COL19A1: variants seen among roughly 807,000 people sequenced by gnomAD.
The protein encoded by COL19A1 is collagen type XIX alpha 1 chain.
Under a neutral mutation model 190.2 loss-of-function variants are expected in COL19A1, and 159 were observed. The observed-to-expected ratio is 0.84, with a 90% CI of 0.73 to 0.95. The LOEUF (loss-of-function observed/expected upper bound fraction) is 0.95, where lower values mean the gene tolerates loss of function less well. Among genes scored for constraint, COL19A1 ranks in the 40% least tolerant of loss-of-function variants. The pLI, the probability that COL19A1 is intolerant of heterozygous loss-of-function variation, is 0.00. For synonymous variants in COL19A1, 509 were observed against 458.9 expected (o/e 1.11, Z -1.39); for missense variants, 1,418 against 1,431.9 (o/e 0.99, Z 0.16).
chr6:69,964,630 T>A (rs1460404838), intron 11 of COL19A1, among the ~76,000 whole-genome samples: 3 of 152,170 alleles, frequency 2.0e-5, no homozygotes, highest in Non-Finnish European at 4.4e-5. Context: ...CTTCAAGGAT[T>A]TTCCTTGTGG....
chr6:69,870,059 T>G (rs1168872053), intron 1 of COL19A1, among the ~76,000 whole-genome samples: 1 of 152,250 alleles, frequency 6.6e-6, no homozygotes, highest in East Asian at 1.9e-4. Context: ...ATTTTTACTC[T>G]ATTTCTCCAT....
At chr6:69,905,679 C>G (rs1363152593) in intron 4 of COL19A1, among the ~76,000 whole-genome samples, 3 of 152,228 alleles carry the variant, frequency 2.0e-5, no homozygotes, top group African/African-American at 7.2e-5. Context: ...CTGAGTCACT[C>G]TGGATGTTTA....
At chr6:69,874,898 G>A (rs1049076754) in intron 1 of COL19A1, among the ~76,000 whole-genome samples, 2 of 152,046 alleles carry the variant, frequency 1.3e-5, no homozygotes, top group African/African-American at 4.8e-5. Context: ...ATATTTCACT[G>A]TATCTCAAGA....
intron 11 of COL19A1, among the ~76,000 whole-genome samples, chr6:70,022,105 A>G (rs749620011): frequency 3.3e-5 from 5 of 152,138 alleles, no homozygotes; most frequent in African/African-American, 4.8e-5. Context: ...TTATCTATTA[A>G]TATCAGGTGC....
intron 2 of COL19A1, among the ~76,000 whole-genome samples, chr6:69,881,794 T>C (rs1768573413): frequency 6.6e-6 from 1 of 152,240 alleles, no homozygotes; most frequent in African/African-American, 2.4e-5. Flanking sequence ...CAACACGTAC[T>C]GAATGTGTGA....
chr6:70,141,013 C>A, intron 20 of COL19A1, 24 bp downstream of exon 20: 1 of 1,591,750 alleles, frequency 6.3e-7, no homozygotes, highest in East Asian at 2.2e-5. Context: ...TTATCACTAC[C>A]TTGGGTTTTC....
intron 4 of COL19A1, among the ~76,000 whole-genome samples, chr6:69,915,668 C>CT (rs563277905): frequency 2.5e-3 from 379 of 152,222 alleles, no homozygotes; most frequent in Non-Finnish European, 4.2e-3. Flanking sequence ...AAAAGTTTCT[C>CT]TTTCTTTCCA....
chr6:69,935,731 A>G (rs188928891), intron 7 of COL19A1, among the ~76,000 whole-genome samples: 3 of 151,846 alleles, frequency 2.0e-5, no homozygotes, highest in Non-Finnish European at 1.5e-5. Flanking sequence ...CTTATTTCCA[A>G]CTTTTATTTT....
intron 15 of COL19A1, among the ~76,000 whole-genome samples, chr6:70,088,074 C>T (rs3806019): frequency 6.6e-6 from 1 of 151,966 alleles, no homozygotes; most frequent in Non-Finnish European, 1.5e-5. Context: ...ATGCTTGGGA[C>T]CTTCTGCACA....
intron 11 of COL19A1, among the ~76,000 whole-genome samples, chr6:70,019,834 G>T (rs1778319484): frequency 6.6e-6 from 1 of 151,740 alleles, no homozygotes; most frequent in Non-Finnish European, 1.5e-5. Context: ...TTTAATTCTA[G>T]CTTAAATCTT....
chr6:69,968,714 C>T (rs541152326), intron 11 of COL19A1, among the ~76,000 whole-genome samples: 2 of 152,240 alleles, frequency 1.3e-5, no homozygotes, highest in East Asian at 3.9e-4. Context: ...TAATTACATG[C>T]AGGACATGAG....
chr6:70,018,767 G>A (rs1254230435), intron 11 of COL19A1, among the ~76,000 whole-genome samples: 2 of 152,078 alleles, frequency 1.3e-5, no homozygotes, highest in African/African-American at 2.4e-5. Flanking sequence ...CTGCAGCTGA[G>A]TCCTACTGGA....
chr6:69,927,459 T>A (rs1403858509), intron 4 of COL19A1, among the ~76,000 whole-genome samples: 1 of 152,212 alleles, frequency 6.6e-6, no homozygotes, highest in Non-Finnish European at 1.5e-5. Flanking sequence ...CAGTTGGGAC[T>A]AAGAAATCAG....
chr6:69,903,253 G>A (rs1336133377), intron 4 of COL19A1, among the ~76,000 whole-genome samples: 4 of 152,220 alleles, frequency 2.6e-5, no homozygotes, highest in African/African-American at 9.6e-5. Context: ...GGCAGCAGCA[G>A]TCCTCTGGCT....
chr6:69,895,358 C>T (rs1279873163), intron 2 of COL19A1, among the ~76,000 whole-genome samples: 1 of 152,254 alleles, frequency 6.6e-6, no homozygotes, highest in Non-Finnish European at 1.5e-5. Context: ...TCTCATTTCA[C>T]TCACCACTTC....
chr6:69,944,462 ACT>A (rs1773665708), intron 9 of COL19A1, among the ~76,000 whole-genome samples: 1 of 152,092 alleles, frequency 6.6e-6, no homozygotes, highest in Non-Finnish European at 1.5e-5. Context: ...TGCCCAGGAG[ACT>A]CTGCTGAGCA....
At chr6:69,905,585 C>T (rs114453316) in intron 4 of COL19A1, among the ~76,000 whole-genome samples, 1,630 of 152,296 alleles carry the variant, frequency 0.011, 35 homozygotes, top group African/African-American at 0.036. Flanking sequence ...ACAATAGTGG[C>T]GTAGGGCCAA....
At chr6:70,116,540 A>G (rs780534532) in intron 16 of COL19A1, among the ~76,000 whole-genome samples, 11 of 152,242 alleles carry the variant, frequency 7.2e-5, no homozygotes, top group Non-Finnish European at 1.5e-4. Context: ...AATGTGTTAT[A>G]GATGGAAACA....
intron 34 of COL19A1, among the ~76,000 whole-genome samples, chr6:70,161,483 T>A (rs1455579357): frequency 6.6e-6 from 1 of 152,282 alleles, no homozygotes; most frequent in South Asian, 2.1e-4. Context: ...AAACTGAGTA[T>A]TCACACATAT....
Sources: allele counts gnomAD v4.1 joint callset (sites outside exome capture counted in the v4.1 genomes callset), GRCh38; gene constraint gnomAD v4.1.1; transcripts MANE v1.5; gene names NCBI Gene and HGNC (gene_info 2026-07-23, HGNC 2026-07-21).